ZNF521: variants seen among roughly 807,000 people sequenced by gnomAD.
The protein encoded by ZNF521 is LYST-interacting protein 3.
Under a neutral mutation model 105.5 loss-of-function variants are expected in ZNF521, and 14 were observed. That is an observed-to-expected ratio of 0.13 (90% CI 0.09 to 0.21). The LOEUF (loss-of-function observed/expected upper bound fraction) is 0.21. ZNF521 is among the 10% of genes least tolerant of loss of function. ZNF521 has a pLI of 1.00. For missense variants in ZNF521, 1,233 were observed against 1,629.7 expected (o/e 0.76, Z 4.19); for synonymous variants, 635 against 606.0 (o/e 1.05, Z -0.70).
chr18:25,168,172 G>C (rs528342544), intron 5 of ZNF521, among the ~76,000 whole-genome samples: 1 of 152,190 alleles, frequency 6.6e-6, no homozygotes, highest in East Asian at 1.9e-4. Flanking sequence ...CGTCCCTCTA[G>C]GGAGCGAGGT....
intron 7 of ZNF521, among the ~76,000 whole-genome samples, chr18:25,077,664 G>C (rs564140078): frequency 1.3e-5 from 2 of 152,226 alleles, no homozygotes; most frequent in South Asian, 4.2e-4. Flanking sequence ...AAACAATGCC[G>C]CACCAAAGTT....
At chr18:25,330,173 T>TG (rs1331746700) in intron 2 of ZNF521, among the ~76,000 whole-genome samples, 1 of 130,472 alleles carries the variant, frequency 7.7e-6, no homozygotes, top group Non-Finnish European at 1.7e-5. Context: ...TTTCTTTTTC[T>TG]TTTTTTTTTG....
chr18:25,292,321 G>A (rs1477024249), intron 3 of ZNF521, among the ~76,000 whole-genome samples: 3 of 152,086 alleles, frequency 2.0e-5, no homozygotes, highest in Non-Finnish European at 4.4e-5. Context: ...ATCATTATTT[G>A]AGATTTGGGC....
In ZNF521 at chr18:25,227,417, G is replaced by C. The variant is rs1264432487; in HGVS notation, c.501C>G (p.Leu167=). ...AGTGGTACTTCTTGTCCCCGGTGTG[G>C]AGTTTTATGTGGCGATCTCGGCTGC... ...HKRSRDRHIK[L]HTGDKKYHCS... Residue 167 remains leucine (L), a synonymous_variant, in exon 4 of 8, where the codon CTC becomes CTG. Transcript: ENST00000361524. This position sits in a 1 kb window ranked among gnomAD's most constrained non-coding sequence, Gnocchi z 5.7. The C allele has an allele frequency of 1.9e-6, 3 of 1,614,026 alleles. No homozygotes were observed. The South Asian group carries it at 3.3e-5, about 18-fold the overall frequency.
chr18:25,206,972 A>C (rs2036091551), intron 4 of ZNF521, among the ~76,000 whole-genome samples: 1 of 152,192 alleles, frequency 6.6e-6, no homozygotes, highest in African/African-American at 2.4e-5. Flanking sequence ...AATGTATACA[A>C]ATGTGCAAGT....
At chr18:25,094,266 T>A (rs927664442) in intron 5 of ZNF521, among the ~76,000 whole-genome samples, 1 of 152,120 alleles carries the variant, frequency 6.6e-6, no homozygotes, top group African/African-American at 2.4e-5. Flanking sequence ...GAGTATTTTG[T>A]TTGGAAAAAT....
intron 5 of ZNF521, among the ~76,000 whole-genome samples, chr18:25,155,728 T>C (rs2078313790): frequency 6.6e-6 from 1 of 152,126 alleles, no homozygotes; most frequent in South Asian, 2.1e-4. Flanking sequence ...TAGTTGTCCA[T>C]ATATGTTTGG....
chr18:25,197,000 G>C (rs1280480816), intron 4 of ZNF521, among the ~76,000 whole-genome samples: 1 of 151,668 alleles, frequency 6.6e-6, no homozygotes, highest in Non-Finnish European at 1.5e-5. Flanking sequence ...GAATATGTTG[G>C]CAGAATATAC....
intron 5 of ZNF521, among the ~76,000 whole-genome samples, chr18:25,143,206 T>G (rs1378921049): frequency 1.3e-5 from 2 of 152,210 alleles, no homozygotes; most frequent in East Asian, 3.8e-4. Flanking sequence ...GTGGATTTTC[T>G]CTAAAGCTAG....
intron 3 of ZNF521, among the ~76,000 whole-genome samples, chr18:25,293,208 T>C (rs1911134157): frequency 6.6e-6 from 1 of 152,272 alleles, no homozygotes; most frequent in Non-Finnish European, 1.5e-5. Flanking sequence ...TACATATGAT[T>C]CCACACAATT....
chr18:25,138,052 T>C (rs979603755), intron 5 of ZNF521, among the ~76,000 whole-genome samples: 40 of 152,234 alleles, frequency 2.6e-4, no homozygotes, highest in Admixed American at 7.9e-4. Flanking sequence ...CCCACTGGGA[T>C]AGGGCCTCCG....
At chr18:25,258,834 C>T (rs1908700674) in intron 3 of ZNF521, among the ~76,000 whole-genome samples, 1 of 152,150 alleles carries the variant, frequency 6.6e-6, no homozygotes, top group African/African-American at 2.4e-5. Context: ...TCCATCTACA[C>T]AACAGGGTAA....
intron 3 of ZNF521, among the ~76,000 whole-genome samples, chr18:25,294,853 CAAAAAAAAAA>C (rs34529787): frequency 2.4e-4 from 14 of 59,524 alleles, no homozygotes; most frequent in South Asian, 1.1e-3. Context: ...GATTCTGTCT[CAAAAAAAAAA>C]AAAAAAAAAA....
intron 7 of ZNF521, among the ~76,000 whole-genome samples, chr18:25,083,935 T>G (rs1274952768): frequency 1.6e-4 from 14 of 87,942 alleles, no homozygotes; most frequent in Non-Finnish European, 7.1e-5. Context: ...TGGGTAATTT[T>G]TTTTTTTTTT....
At chr18:25,240,698 T>TA (rs1907258321) in intron 3 of ZNF521, among the ~76,000 whole-genome samples, 1 of 152,032 alleles carries the variant, frequency 6.6e-6, no homozygotes, top group Admixed American at 6.5e-5. Flanking sequence ...AAAGAGCCTT[T>TA]AAAATTACAT....
chr18:25,346,230 A>G (rs1239074361), intron 2 of ZNF521, among the ~76,000 whole-genome samples: 1 of 151,840 alleles, frequency 6.6e-6, no homozygotes, highest in Admixed American at 6.6e-5. Flanking sequence ...ATCTTTACTG[A>G]TGAGGTTTTT....
Position 25,297,087 on chromosome 18 carries a change from A to C in ZNF521, c.220+24921T>G, listed in dbSNP as rs150996235. 1.6e-3 allele frequency among the ~76,000 whole-genome samples: 249 copies of C among 151,920 alleles called. 1 individual carries two copies. Among genetic ancestry groups the C allele is most frequent in the African/African-American group, 5.8e-3 (240 of 41,356 alleles). On this transcript the variant is annotated intron_variant, in intron 3 of 7. Transcript: ENST00000361524. ...TTTTCCCATACACACACATACACAC[A>C]CACACATATATATAGACACATATAC...
intron 3 of ZNF521, among the ~76,000 whole-genome samples, chr18:25,259,197 C>A (rs546042253): frequency 2.6e-5 from 4 of 152,208 alleles, no homozygotes; most frequent in South Asian, 2.1e-4. Flanking sequence ...TTTTACCCAG[C>A]GTAGGTACCA....
chr18:25,234,379 G>A (rs908360887), intron 3 of ZNF521, among the ~76,000 whole-genome samples: 9 of 152,138 alleles, frequency 5.9e-5, no homozygotes, highest in Non-Finnish European at 1.3e-4. Context: ...TAGTTACTAT[G>A]TGCTCTTGTG....
Sources: allele counts gnomAD v4.1 joint callset (sites outside exome capture counted in the v4.1 genomes callset), GRCh38; gene constraint gnomAD v4.1.1; non-coding constraint Gnocchi (gnomAD v3.1); transcripts MANE v1.5; gene names NCBI Gene and HGNC (gene_info 2026-07-23, HGNC 2026-07-21).